Variants in HSD17B4 observed in about 807,000 individuals in gnomAD.
HSD17B4 encodes the protein hydroxysteroid 17-beta dehydrogenase 4, also known as peroxisomal multifunctional enzyme type 2.
Under a neutral mutation model 101.0 loss-of-function variants are expected in HSD17B4, and 70 were observed. The ratio of observed to expected loss-of-function variants is 0.69; its 90% CI spans 0.57 to 0.85. The LOEUF is 0.85. Ranked by LOEUF, HSD17B4 falls within the 40% of genes least tolerant of loss-of-function variation. The pLI is 0.00. For synonymous variants in HSD17B4, 347 were observed against 297.1 expected (o/e 1.17, Z -1.73); for missense variants, 984 against 892.4 (o/e 1.10, Z -1.31).
chr5:119,530,385 T>C (rs1029892530), intron 21 of HSD17B4, among the ~76,000 whole-genome samples: 5 of 152,164 alleles, frequency 3.3e-5, no homozygotes, highest in African/African-American at 1.2e-4. Flanking sequence ...TATAATTTAT[T>C]AAAACATTGT....
chr5:119,531,587 GTGTGTGTGTT>G (rs1754119890), intron 22 of HSD17B4, among the ~76,000 whole-genome samples, 183 bp downstream of exon 22: 1 of 151,582 alleles, frequency 6.6e-6, no homozygotes, highest in African/African-American at 2.4e-5. Flanking sequence ...GTGTGTGTGT[GTGTGTGTGTT>G]TGTGTGTGTG....
intron 2 of HSD17B4, among the ~76,000 whole-genome samples, chr5:119,461,783 G>A (rs1485802367): frequency 6.6e-6 from 1 of 151,926 alleles, no homozygotes. Flanking sequence ...TACTCAGGAG[G>A]CTGAGGCAGG....
At chr5:119,537,927 A>G (rs1184707186) in intron 23 of HSD17B4, among the ~76,000 whole-genome samples, 2 of 152,110 alleles carry the variant, frequency 1.3e-5, no homozygotes, top group East Asian at 3.9e-4. Context: ...GGGGTTTTCT[A>G]AGGTACCTGA....
intron 16 of HSD17B4, among the ~76,000 whole-genome samples, chr5:119,512,863 G>A (rs1752299025): frequency 6.6e-6 from 1 of 152,114 alleles, no homozygotes; most frequent in Non-Finnish European, 1.5e-5. Context: ...ATGGCTATAG[G>A]GTTTTCTTTT....
chr5:119,492,300 A>G, intron 10 of HSD17B4, 176 bp downstream of exon 10: 3 of 654,280 alleles, frequency 4.6e-6, no homozygotes, highest in Middle Eastern at 4.2e-4. Context: ...TGATTGTCCT[A>G]TAGGTCTGTG....
At chr5:119,495,162 A>G (rs963970573) in intron 11 of HSD17B4, among the ~76,000 whole-genome samples, 7 of 151,830 alleles carry the variant, frequency 4.6e-5, no homozygotes, top group African/African-American at 1.7e-4. Context: ...ACATTTTTGT[A>G]TTTTATATTT....
At chr5:119,453,069 T>G (rs1323670904) in intron 1 of HSD17B4, among the ~76,000 whole-genome samples, 1 of 152,266 alleles carries the variant, frequency 6.6e-6, no homozygotes, top group Non-Finnish European at 1.5e-5. Flanking sequence ...TGTCAGCTCC[T>G]GAAAAGTCAT....
intron 17 of HSD17B4, among the ~76,000 whole-genome samples, chr5:119,516,914 A>T (rs1195308529): frequency 6.6e-6 from 1 of 152,256 alleles, no homozygotes; most frequent in East Asian, 1.9e-4. Flanking sequence ...AGGGAATGAC[A>T]TGTAGAAGTG....
chr5:119,499,828 T>C (rs923946997), intron 13 of HSD17B4, among the ~76,000 whole-genome samples: 2 of 152,170 alleles, frequency 1.3e-5, no homozygotes, highest in African/African-American at 4.8e-5. Context: ...ACTTGATTCT[T>C]GACCAAGGGT....
intron 8 of HSD17B4, among the ~76,000 whole-genome samples, chr5:119,488,143 T>C (rs1380956889): frequency 6.6e-6 from 1 of 152,176 alleles, no homozygotes; most frequent in Admixed American, 6.5e-5. Flanking sequence ...TGTATCTCAT[T>C]TGAGCCTTGG....
chr5:119,466,440 C>T (rs1305310019), intron 2 of HSD17B4, among the ~76,000 whole-genome samples: 2 of 152,094 alleles, frequency 1.3e-5, no homozygotes, highest in East Asian at 3.9e-4. Context: ...TCTGTTACTG[C>T]TCTTTTCTTT....
At chr5:119,511,749 A>C (rs995140763) in intron 16 of HSD17B4, among the ~76,000 whole-genome samples, 2 of 152,238 alleles carry the variant, frequency 1.3e-5, no homozygotes, top group Non-Finnish European at 2.9e-5. Flanking sequence ...TAAGTTACTA[A>C]ATAAATAAAC....
At chr5:119,494,338 T>C (rs13179390) in intron 11 of HSD17B4, among the ~76,000 whole-genome samples, 1,453 of 128,980 alleles carry the variant, frequency 0.011, 10 homozygotes, top group Non-Finnish European at 0.018. Flanking sequence ...TCTTTCTTTC[T>C]TTCTTTCTTT....
At chr5:119,468,809 CT>C (rs797011282) in intron 2 of HSD17B4, among the ~76,000 whole-genome samples, 173 of 141,768 alleles carry the variant, frequency 1.2e-3, no homozygotes, top group Admixed American at 2.0e-3. Flanking sequence ...TTTCTCTTTC[CT>C]TTTTTTTTTT....
intron 19 of HSD17B4, 83 bp downstream of exon 19, chr5:119,526,106 G>A: frequency 1.2e-6 from 1 of 825,212 alleles, no homozygotes; most frequent in Non-Finnish European, 2.1e-6. Flanking sequence ...TGATTTAATT[G>A]AAAATAGATA....
At chr5:119,482,080 A>C (rs1273501315) in intron 8 of HSD17B4, among the ~76,000 whole-genome samples, 2 of 149,984 alleles carry the variant, frequency 1.3e-5, no homozygotes, top group Non-Finnish European at 3.0e-5. Context: ...CTCAGCCATC[A>C]CTCCTTCAAA....
intron 2 of HSD17B4, among the ~76,000 whole-genome samples, chr5:119,457,873 T>C (rs892142456): frequency 2.6e-5 from 4 of 152,198 alleles, no homozygotes; most frequent in African/African-American, 9.6e-5. Flanking sequence ...GGGAAGGGTG[T>C]GTTTGAGATT....
intron 11 of HSD17B4, among the ~76,000 whole-genome samples, chr5:119,495,202 ACAGTCACT>A (rs942549790): frequency 1.3e-5 from 2 of 152,164 alleles, no homozygotes; most frequent in African/African-American, 4.8e-5. Flanking sequence ...TCTATGAATA[ACAGTCACT>A]TATCCATGAA....
chr5:119,500,103 A>G (rs956940845), intron 13 of HSD17B4, among the ~76,000 whole-genome samples: 1 of 152,162 alleles, frequency 6.6e-6, no homozygotes, highest in Admixed American at 6.5e-5. Flanking sequence ...TGAGCTGAGT[A>G]GTGACATGAT....
Sources: gnomAD v4.1 joint callset for allele counts (sites outside exome capture counted in the v4.1 genomes callset) on GRCh38, gnomAD v4.1.1 for gene constraint, MANE v1.5 for transcripts, NCBI Gene and HGNC (gene_info 2026-07-23, HGNC 2026-07-21) for gene names.